HSD17B7: variants seen among roughly 807,000 people sequenced by gnomAD.
HSD17B7 encodes 3-keto-steroid reductase/17-beta-hydroxysteroid dehydrogenase 7.
In HSD17B7, 17 loss-of-function variants were observed where a neutral mutation model predicts 34.1. The ratio of observed to expected loss-of-function variants is 0.50; its 90% CI spans 0.34 to 0.75. HSD17B7 has a LOEUF of 0.75. Ranked by LOEUF, HSD17B7 falls within the 30% of genes least tolerant of loss-of-function variation. The probability of loss-of-function intolerance (pLI) is 0.01; values close to 1 mark genes in which losing one functional copy is unlikely to be tolerated. For missense variants in HSD17B7, 296 were observed against 406.6 expected, an observed-to-expected ratio of 0.73 and a Z score of 2.34; for synonymous variants, 122 against 154.6, an observed-to-expected ratio of 0.79 and a Z score of 1.56.
chr1:162,804,600 A>G (rs1393111909), intron 7 of HSD17B7, among the ~76,000 whole-genome samples: 1 of 152,198 alleles, frequency 6.6e-6, no homozygotes, highest in Non-Finnish European at 1.5e-5. Context: ...GAGGAGAGAC[A>G]GAGCAATGGG....
At chr1:162,792,082 T>G (rs1230459631) in intron 1 of HSD17B7, among the ~76,000 whole-genome samples, 1 of 152,200 alleles carries the variant, frequency 6.6e-6, no homozygotes, top group Non-Finnish European at 1.5e-5. Flanking sequence ...GAGTTCTTTC[T>G]TTTTCTATTA....
intron 7 of HSD17B7, 79 bp from the exon 8 acceptor site, chr1:162,805,315 A>G (rs1446356323): frequency 1.4e-5 from 22 of 1,549,432 alleles, no homozygotes; most frequent in African/African-American, 1.4e-4. Context: ...AGCTCTATAA[A>G]GTGCAGATTG....
chr1:162,793,014 A>AGTACCAC, intron 2 of HSD17B7, 152 bp downstream of exon 2: 1 of 631,610 alleles, frequency 1.6e-6, no homozygotes, highest in Non-Finnish European at 2.7e-6. Context: ...ATTGTGTCTC[A>AGTACCAC]GTACCACGTT....
At chr1:162,797,963 T>C (rs2257862) in intron 4 of HSD17B7, 47 bp downstream of exon 4, 1 of 1,601,038 alleles carries the variant, frequency 6.2e-7, no homozygotes, top group South Asian at 1.1e-5. Context: ...TGTGATAGTT[T>C]CTGTAAAGCT....
At chr1:162,800,621 T>G (rs1648777479) in intron 5 of HSD17B7, among the ~76,000 whole-genome samples, 1 of 152,198 alleles carries the variant, frequency 6.6e-6, no homozygotes, top group East Asian at 1.9e-4. Context: ...CCTTACTGCT[T>G]CTTTGTATGT....
chr1:162,795,577 A>C, intron 2 of HSD17B7: 1 of 432,322 alleles, frequency 2.3e-6, no homozygotes, highest in Non-Finnish European at 4.6e-6. Context: ...CAGCATTTTA[A>C]ATGGTCAATT....
chr1:162,806,178 T>C (rs924871740), intron 8 of HSD17B7, among the ~76,000 whole-genome samples: 3 of 152,190 alleles, frequency 2.0e-5, no homozygotes, highest in Admixed American at 2.0e-4. Context: ...ACTACTTTGT[T>C]GTACTTTTGT....
In HSD17B7 at chr1:162,803,519, T is replaced by C; in HGVS notation, c.731T>C (p.Met244Thr). The change falls in exon 6 of 9, where the codon ATG becomes ACG. Residue 244 changes from methionine to threonine, a missense_variant. By Grantham distance (81) the Met-to-Thr change is moderately conservative. Transcript: ENST00000254521. Reference protein sequence around the residue: ...ILPPFIWTLLMPAILLLRFFA... With the variant: ...ILPPFIWTLLTPAILLLRFFA... Reference sequence around the variant, plus strand: ...CCTCCGTTTATATGGACGCTGTTGATGCCGGCAATATTGCTAGTAAGTGAT... The same window carrying C: ...CCTCCGTTTATATGGACGCTGTTGACGCCGGCAATATTGCTAGTAAGTGAT... 6.2e-7 allele frequency: 1 copy of C among 1,612,798 alleles called. No individual in the cohort carries two copies. Among genetic ancestry groups the C allele is most frequent in the Non-Finnish European group, 8.5e-7 (1 of 1,178,992 alleles).
chr1:162,805,528 G>T, intron 8 of HSD17B7, 36 bp downstream of exon 8: 1 of 1,604,534 alleles, frequency 6.2e-7, no homozygotes, highest in East Asian at 2.2e-5. Context: ...GATGTTTGCT[G>T]TTGGGTTGAT....
rs1311710614 is a variant in HSD17B7 at position 162,812,297 on chromosome 1, G to A, written c.904-1G>A. 1.2e-6 allele frequency: 2 copies of A among 1,610,850 alleles called. No individual in the cohort carries two copies. The highest frequency in any genetic ancestry group is 3.4e-5 in the Admixed American group (2 of 59,328). ...CATCTCTATTTTTGCTTCTTTTCCAGATGGACCTAGATGAAGACACTGCTG... is the reference window on the plus strand; with the variant it reads ...CATCTCTATTTTTGCTTCTTTTCCAAATGGACCTAGATGAAGACACTGCTG... On this transcript the variant is annotated splice_acceptor_variant, in intron 8 of 8. Transcript: ENST00000254521. LOFTEE classifies it high-confidence loss of function.
intron 3 of HSD17B7, among the ~76,000 whole-genome samples, chr1:162,796,881 A>G (rs1251876830): frequency 1.3e-5 from 2 of 152,136 alleles, no homozygotes; most frequent in Admixed American, 1.3e-4. Flanking sequence ...TTTTTATGGT[A>G]TTCTAAGTCT....
intron 1 of HSD17B7, 117 bp downstream of exon 1, chr1:162,790,952 T>A (rs1338528925): frequency 1.3e-5 from 9 of 715,122 alleles, no homozygotes; most frequent in Non-Finnish European, 1.8e-5. Context: ...TTGCCTAGGT[T>A]CCCCGGAGTC....
At chr1:162,792,925 T>C (rs1648464857) in intron 2 of HSD17B7, 63 bp downstream of exon 2, 1 of 1,533,506 alleles carries the variant, frequency 6.5e-7, no homozygotes, top group South Asian at 1.1e-5. Flanking sequence ...CTTAATAAAA[T>C]AAGAGAGGAA....
chr1:162,807,290 A>G (rs1649016945), intron 8 of HSD17B7, among the ~76,000 whole-genome samples: 2 of 152,200 alleles, frequency 1.3e-5, no homozygotes, highest in South Asian at 4.1e-4. Context: ...ATGTCCCTAC[A>G]AAGGATATGA....
chr1:162,803,397 T>A (rs1648878249), intron 5 of HSD17B7, 34 bp from the exon 6 acceptor site: 2 of 1,603,410 alleles, frequency 1.2e-6, no homozygotes, highest in Admixed American at 3.4e-5. Context: ...ATACACTGAG[T>A]TAAAGTCTCA....
chr1:162,804,244 AAC>A, intron 6 of HSD17B7, 21 bp from the exon 7 acceptor site: 1 of 1,596,284 alleles, frequency 6.3e-7, no homozygotes, highest in Non-Finnish European at 8.6e-7. Flanking sequence ...ACCAAAAAAT[AAC>A]AGTTGTTTTC....
rs535523236 is a variant in HSD17B7 at position 162,797,703 on chromosome 1, G to A, written c.333-99G>A. ...TCCTGTCATTATAGAATCAAGGGAG[G>A]TGTAGTTTATGGGTCGGGGGGATGG... On this transcript the variant is annotated intron_variant, in intron 3 of 8. Transcript: ENST00000254521. 12 of 1,514,926 alleles carry A rather than the reference G, an allele frequency of 7.9e-6. No homozygotes were observed. The South Asian group carries it at 1.4e-4, about 18-fold the overall frequency. 93.8% of individuals were successfully genotyped at this position (1,514,926 alleles called of 1,614,324 possible).
chr1:162,796,628 C>T lies in HSD17B7; in HGVS notation c.283C>T (p.Pro95Ser). ...TATATATCTAAATGCTGGGATCATG[C>T]CTAATCCACAACTAAATATCAAAGC... Reference protein sequence around the residue: ...DCIYLNAGIMPNPQLNIKALF... With the variant: ...DCIYLNAGIMSNPQLNIKALF... Residue 95 changes from proline to serine, a missense_variant, in exon 3 of 9, where the codon CCT (proline) becomes TCT (serine). Physicochemically the swap from Pro to Ser is moderately conservative, Grantham distance 74 (BLOSUM62 -1). Transcript: ENST00000254521. The T allele has an allele frequency of 1.2e-6, 2 of 1,612,474 alleles. No individual in the cohort carries two copies. Among genetic ancestry groups the T allele is most frequent in the Non-Finnish European group, 1.7e-6 (2 of 1,178,658 alleles).
chr1:162,803,872 G>T (rs1371766173), intron 6 of HSD17B7, among the ~76,000 whole-genome samples: 1 of 152,174 alleles, frequency 6.6e-6, no homozygotes, highest in Non-Finnish European at 1.5e-5. Flanking sequence ...TGCATCAAAA[G>T]TTCCCAAGAA....
Sources: gnomAD v4.1 joint callset for allele counts (sites outside exome capture counted in the v4.1 genomes callset) on GRCh38, gnomAD v4.1.1 for gene constraint, MANE v1.5 for transcripts, NCBI Gene and HGNC (gene_info 2026-07-23, HGNC 2026-07-21) for gene names.